CELF2: variants seen among roughly 807,000 people sequenced by gnomAD.
CELF2 encodes CUG triplet repeat RNA-binding protein 2.
In CELF2, 8 loss-of-function variants were observed where a neutral mutation model predicts 62.6. The observed-to-expected ratio is 0.13, with a 90% confidence interval of 0.07 to 0.23. The LOEUF is 0.23. Ranked by LOEUF, CELF2 falls within the 10% of genes least tolerant of loss-of-function variation. The probability of loss-of-function intolerance (pLI) is 1.00; values close to 1 mark genes in which losing one functional copy is unlikely to be tolerated. For synonymous variants in CELF2, 258 were observed against 250.0 expected (o/e 1.03, Z -0.30); for missense variants, 333 against 671.0 (o/e 0.50, Z 5.56).
intron 1 of CELF2, among the ~76,000 whole-genome samples, chr10:10,886,315 C>T (rs532541095): frequency 1.3e-5 from 2 of 152,118 alleles, no homozygotes; most frequent in African/African-American, 2.4e-5. Flanking sequence ...TGGAGAAGAC[C>T]ATCACCCAAA....
At chr10:10,890,705 C>G (rs1358866912) in intron 1 of CELF2, among the ~76,000 whole-genome samples, 2 of 152,156 alleles carry the variant, frequency 1.3e-5, no homozygotes, top group African/African-American at 2.4e-5. Flanking sequence ...AGAGAAGAGA[C>G]AGGAAAGTGA....
intron 12 of CELF2, among the ~76,000 whole-genome samples, chr10:11,327,200 C>T (rs1049303145): frequency 3.5e-4 from 10 of 28,756 alleles, no homozygotes; most frequent in Non-Finnish European, 7.0e-4. Context: ...TTATGGGGGG[C>T]GGGGGGGTGT....
chr10:10,650,052 A>T, the CELF2 span, among the ~76,000 whole-genome samples: 3 of 152,202 alleles, frequency 2.0e-5, no homozygotes, highest in Non-Finnish European at 2.9e-5. Flanking sequence ...ATCACATTGC[A>T]ACCATCAGGA....
chr10:10,483,603 G>T, the CELF2 span, among the ~76,000 whole-genome samples: 1 of 152,196 alleles, frequency 6.6e-6, no homozygotes, highest in East Asian at 1.9e-4. Flanking sequence ...ATTGCTGTCT[G>T]TGTCTTTAGT....
intron 1 of CELF2, among the ~76,000 whole-genome samples, chr10:10,844,137 T>A (rs912194782): frequency 6.6e-6 from 1 of 152,032 alleles, no homozygotes; most frequent in African/African-American, 2.4e-5. Flanking sequence ...GATATTTTTT[T>A]CCTCACAAAT....
intron 2 of CELF2, among the ~76,000 whole-genome samples, chr10:10,962,997 C>CTGTTT (rs57417707): frequency 0.059 from 8,379 of 142,630 alleles, 306 homozygotes; most frequent in Non-Finnish European, 0.068. Flanking sequence ...TAAGGAAATT[C>CTGTTT]TGTTTTGTTT....
chr10:10,607,998 G>A, the CELF2 span, among the ~76,000 whole-genome samples: 1 of 151,926 alleles, frequency 6.6e-6, no homozygotes, highest in Admixed American at 6.6e-5. Flanking sequence ...GTAATGGTGG[G>A]CATCTGTAAT....
the CELF2 span, among the ~76,000 whole-genome samples, chr10:10,597,730 C>T: frequency 3.9e-5 from 6 of 152,272 alleles, no homozygotes; most frequent in South Asian, 1.2e-3. Flanking sequence ...GTTTCAAGTG[C>T]CCTGATCCCT....
intron 2 of CELF2, among the ~76,000 whole-genome samples, chr10:10,991,462 T>G (rs999456473): frequency 6.6e-6 from 1 of 151,518 alleles, no homozygotes; most frequent in Non-Finnish European, 1.5e-5. Context: ...AGGCTAAGAG[T>G]TGGGAGAGCT....
At chr10:11,254,649 T>C (rs981302045) in intron 4 of CELF2, among the ~76,000 whole-genome samples, 4 of 152,220 alleles carry the variant, frequency 2.6e-5, no homozygotes, top group African/African-American at 9.6e-5. Context: ...CAAATTGTTT[T>C]AGCTAAATAC....
At chr10:11,072,817 CT>C (rs11370125) in intron 1 of CELF2, among the ~76,000 whole-genome samples, 24 of 148,404 alleles carry the variant, frequency 1.6e-4, no homozygotes, top group Admixed American at 1.3e-4. Context: ...CCTGATTTCC[CT>C]TTTTTTTTTA....
At chr10:10,489,453 C>T in the CELF2 span, among the ~76,000 whole-genome samples, 17 of 152,114 alleles carry the variant, frequency 1.1e-4, no homozygotes, top group African/African-American at 2.4e-4. Flanking sequence ...TGGCAGTGTC[C>T]GATCATATTG....
intron 9 of CELF2, among the ~76,000 whole-genome samples, chr10:11,295,336 A>G (rs1366239826): frequency 6.6e-6 from 1 of 152,248 alleles, no homozygotes; most frequent in Non-Finnish European, 1.5e-5. Context: ...CTCTTCTAGC[A>G]TCAGCTTTTA....
chr10:10,986,869 C>T (rs1012158548), intron 2 of CELF2, among the ~76,000 whole-genome samples: 3 of 152,156 alleles, frequency 2.0e-5, no homozygotes, highest in African/African-American at 7.2e-5. Flanking sequence ...GTTTATATGA[C>T]TATATCAAAG....
rs2140022676 is a variant in CELF2 at position 11,297,475 on chromosome 10, G to A, written c.976+8923G>A. Among the ~76,000 whole-genome samples the A allele has an allele frequency of 6.6e-6, 1 of 152,168 alleles. No homozygotes were observed. Among genetic ancestry groups the A allele is most frequent in the East Asian group, 1.9e-4 (1 of 5,158 alleles). On this transcript the variant is annotated intron_variant, in intron 9 of 12. Coordinates refer to ENST00000633077, the MANE Select transcript of CELF2 (RefSeq NM_001326342.2). The surrounding 1 kb of genome is among the most constrained non-coding windows in gnomAD (Gnocchi z 4.4). ...AGAGGGACCAGGGGATGGAAAGGGA[G>A]CTTTCTGGGTAGCACAGTGTCAGGG...
At chr10:10,697,673 C>G in the CELF2 span, among the ~76,000 whole-genome samples, 4 of 152,136 alleles carry the variant, frequency 2.6e-5, no homozygotes, top group South Asian at 4.1e-4. Context: ...GACGCTAGCT[C>G]TCTCAGGTTT....
intron 1 of CELF2, among the ~76,000 whole-genome samples, chr10:10,837,708 C>T (rs1194936359): frequency 6.6e-6 from 1 of 152,116 alleles, no homozygotes; most frequent in Non-Finnish European, 1.5e-5. Context: ...GAGTCATTTT[C>T]AAGGAAAACA....
chr10:11,292,520 G>A (rs1033423214), intron 9 of CELF2, among the ~76,000 whole-genome samples: 2 of 152,220 alleles, frequency 1.3e-5, no homozygotes, highest in African/African-American at 4.8e-5. Flanking sequence ...TGCATAAGCT[G>A]GTTTAACCCA....
rs1009975929 is a variant in CELF2, at chr10:11,242,469, A to G, written c.355-6684A>G. Among the ~76,000 whole-genome samples the G allele has an allele frequency of 2.6e-5, 4 of 151,990 alleles. No individual in the cohort carries two copies. Among genetic ancestry groups the G allele is most frequent in the Non-Finnish European group, 4.4e-5 (3 of 67,982 alleles). ...GAGGCAGAGGGCTTCAGAGAGCCCC[A>G]CGAGGTTGTGTCCATAGTGGCGACT... On this transcript the variant is annotated intron_variant, in intron 3 of 12. Transcript: ENST00000633077. This position sits in a 1 kb window ranked among gnomAD's most constrained non-coding sequence, Gnocchi z 4.8.
Sources: allele counts gnomAD v4.1 joint callset (sites outside exome capture counted in the v4.1 genomes callset), GRCh38; gene constraint gnomAD v4.1.1; non-coding constraint Gnocchi (gnomAD v3.1); transcripts MANE v1.5; gene names NCBI Gene and HGNC (gene_info 2026-07-23, HGNC 2026-07-21).